Variants in FOXP4 observed in about 807,000 individuals in gnomAD.
FOXP4 encodes forkhead box protein P4.
Under a neutral mutation model 82.6 loss-of-function variants are expected in FOXP4, and 25 were observed. The ratio of observed to expected loss-of-function variants is 0.30; its 90% CI spans 0.22 to 0.42. FOXP4 has a LOEUF of 0.42. Ranked by LOEUF, FOXP4 falls within the 10% of genes least tolerant of loss-of-function variation. FOXP4 has a pLI of 1.00. For missense variants in FOXP4, 785 were observed against 900.9 expected (o/e 0.87, Z 1.65); for synonymous variants, 415 against 388.2 (o/e 1.07, Z -0.81).
intron 16 of FOXP4, among the ~76,000 whole-genome samples, chr6:41,598,216 CTT>C (rs571791132): frequency 6.1e-5 from 8 of 131,846 alleles, no homozygotes; most frequent in East Asian, 2.2e-4. Context: ...CCTCTCTTCT[CTT>C]TTTTTTTTTT....
intron 1 of FOXP4, among the ~76,000 whole-genome samples, chr6:41,547,310 C>T (rs1444249973): frequency 6.6e-6 from 1 of 152,168 alleles, no homozygotes; most frequent in African/African-American, 2.4e-5. Context: ...CCCTCCCCGC[C>T]CCGAGTCAGA....
rs535512060 is a variant in FOXP4 at position 41,566,701 on chromosome 6, A to G, written c.204+737A>G. ...GAAAAAGGGAGAGTCATGCTCAACAAGTTGAGGAGAACCTTCCCAGCCAAC... is the reference window on the plus strand; with the variant it reads ...GAAAAAGGGAGAGTCATGCTCAACAGGTTGAGGAGAACCTTCCCAGCCAAC... On this transcript the variant is annotated intron_variant, in intron 2 of 16. Transcript: ENST00000307972. Among the ~76,000 whole-genome samples the G allele has an allele frequency of 2.0e-5, 3 of 152,296 alleles. No homozygotes were observed. In the South Asian group the frequency reaches 6.2e-4, roughly 32 times the overall value.
rs1764374275 is a variant in FOXP4, at chr6:41,558,061, G to GAGAC, written c.-16-7683_-16-7680dup. 6.6e-6 allele frequency among the ~76,000 whole-genome samples: 1 copy of GAGAC among 152,006 alleles called. No homozygotes were observed. Among genetic ancestry groups the GAGAC allele is most frequent in the Non-Finnish European group, 1.5e-5 (1 of 68,018 alleles). On this transcript the variant is annotated intron_variant, in intron 1 of 16. Coordinates refer to ENST00000307972, the MANE Select transcript of FOXP4 (RefSeq NM_001012426.2). This position sits in a 1 kb window ranked among gnomAD's most constrained non-coding sequence, Gnocchi z 4.0. The stretch of plus-strand genomic sequence containing the variant: ...TTCTAGGATGTCACAGTCATTGAGG[G>GAGAC]AGACTCCCAGGCCAGGAACTCAGGC...
chr6:41,593,068 C>A lies in FOXP4; in HGVS notation c.1536+1746C>A, dbSNP rs1766608958. 6.6e-6 allele frequency among the ~76,000 whole-genome samples: 1 copy of A among 152,202 alleles called. No individual in the cohort carries two copies. Among genetic ancestry groups the A allele is most frequent in the Non-Finnish European group, 1.5e-5 (1 of 68,034 alleles). ...AGCCTTCCTCATGGCACAGCAGAAT[C>A]CATCCAGCTTGAGGTCCACTTTGAC... On this transcript the variant is annotated intron_variant, in intron 13 of 16. Coordinates refer to ENST00000307972, the MANE Select transcript of FOXP4 (RefSeq NM_001012426.2). This position sits in a 1 kb window ranked among gnomAD's most constrained non-coding sequence, Gnocchi z 4.1.
intron 1 of FOXP4, among the ~76,000 whole-genome samples, chr6:41,549,242 C>T (rs1281279675): frequency 1.3e-5 from 2 of 152,120 alleles, no homozygotes; most frequent in Non-Finnish European, 2.9e-5. Context: ...TCTCCCTGTC[C>T]TGGACAGGTT....
At chr6:41,584,912 GC>G (rs1766016467) in intron 4 of FOXP4, 21 bp downstream of exon 4, 12 of 1,598,620 alleles carry the variant, frequency 7.5e-6, no homozygotes, top group Non-Finnish European at 1.0e-5. Flanking sequence ...CCCCAGGGCA[GC>G]TGGTCCCTCC....
chr6:41,562,959 G>A (rs1409623367), intron 1 of FOXP4, among the ~76,000 whole-genome samples: 2 of 152,168 alleles, frequency 1.3e-5, no homozygotes, highest in Admixed American at 6.5e-5. Flanking sequence ...TCATTTCACC[G>A]CCACTAGCCC....
Position 41,587,650 on chromosome 6 carries a change from G to C in FOXP4, c.872+138G>C, listed in dbSNP as rs1429597936. The stretch of plus-strand genomic sequence containing the variant: ...TCACTCCCTCTCCACTCCCTCTCCC[G>C]GGGTGTACAGATGGTGCTTGGCCGC... On this transcript the variant is annotated intron_variant, in intron 7 of 16. Coordinates refer to ENST00000307972, the MANE Select transcript of FOXP4 (RefSeq NM_001012426.2). 3 of 899,284 alleles carry C rather than the reference G, an allele frequency of 3.3e-6. No individual in the cohort carries two copies. The Admixed American group carries it at 7.9e-5, about 24-fold the overall frequency. The allele number at this position is 899,284 out of a possible 1,614,324, so 55.7% of individuals were successfully genotyped here. A position where few individuals can be genotyped will look rare whatever the true frequency, so the allele number is the denominator to read the frequency against.
intron 1 of FOXP4, among the ~76,000 whole-genome samples, chr6:41,562,362 T>C (rs374470015): frequency 6.6e-6 from 1 of 152,136 alleles, no homozygotes; most frequent in African/African-American, 2.4e-5. Flanking sequence ...TTCAAATGCA[T>C]ATAATCTCAA....
chr6:41,552,142 G>A (rs948856154), intron 1 of FOXP4, among the ~76,000 whole-genome samples: 2 of 152,158 alleles, frequency 1.3e-5, no homozygotes, highest in South Asian at 2.1e-4. Context: ...TTCCATTCCC[G>A]GCTGGCTTTA....
At chr6:41,566,208 T>C (rs1267953561) in intron 2 of FOXP4, among the ~76,000 whole-genome samples, 2 of 152,112 alleles carry the variant, frequency 1.3e-5, no homozygotes, top group African/African-American at 4.8e-5. Context: ...TCATGAAGCT[T>C]GAAACTGTCC....
intron 16 of FOXP4, 78 bp from the exon 17 acceptor site, chr6:41,598,711 C>G: frequency 6.5e-7 from 1 of 1,543,842 alleles, no homozygotes; most frequent in Non-Finnish European, 8.7e-7. Context: ...CCCCAGAGTT[C>G]TGGGTGAGTT....
intron 2 of FOXP4, among the ~76,000 whole-genome samples, chr6:41,572,407 C>T (rs1378642051): frequency 2.0e-5 from 3 of 152,150 alleles, no homozygotes; most frequent in Non-Finnish European, 2.9e-5. Context: ...ACGTGAGCCC[C>T]GTTAAAGATG....
At position 41,587,826 on chromosome 6, in the gene FOXP4, C is replaced by T. The variant is rs770853452; in HGVS notation, c.906C>T (p.Pro302=). ...ACGAGGAGACCCCCGGCTCCCACCC[C>T]CTGTACGGACACGGAGAGTGCAAGT... The part of the protein sequence containing the change: ...SSHEETPGSH[P]LYGHGECKWP... The change falls in exon 8 of 17, where the codon CCC becomes CCT. Residue 302 remains proline (P), a synonymous_variant. Transcript: ENST00000307972. 3 of 1,570,904 alleles carry T rather than the reference C, an allele frequency of 1.9e-6. No homozygotes were observed. Among genetic ancestry groups the T allele is most frequent in the Admixed American group, 1.8e-5 (1 of 54,884 alleles).
At chr6:41,592,699 A>T (rs1207532815) in intron 13 of FOXP4, among the ~76,000 whole-genome samples, 1 of 151,102 alleles carries the variant, frequency 6.6e-6, no homozygotes, top group East Asian at 2.0e-4. Flanking sequence ...TAAGCCACCT[A>T]CCTTCCTTCC....
intron 2 of FOXP4, among the ~76,000 whole-genome samples, chr6:41,577,652 T>G (rs1765560775): frequency 2.0e-5 from 3 of 152,216 alleles, no homozygotes; most frequent in South Asian, 4.1e-4. Context: ...CAAATAGTAC[T>G]GATTTACTAA....
At position 41,574,730 on chromosome 6, in the gene FOXP4, G is replaced by A. The variant is rs527483749; in HGVS notation, c.205-3256G>A. Among the ~76,000 whole-genome samples the A allele has an allele frequency of 1.2e-4, 19 of 152,296 alleles. No individual in the cohort carries two copies. The Middle Eastern group carries it at 0.01, about 82-fold the overall frequency. On this transcript the variant is annotated intron_variant, in intron 2 of 16. Transcript: ENST00000307972. ...TGGGCAGTCCAGTGATCTCCAGGCC[G>A]CAGTGCCAGCAGGCAGTGTGAACAC...
intron 4 of FOXP4, 79 bp from the exon 5 acceptor site, chr6:41,585,352 C>T (rs988787076): frequency 7.0e-7 from 1 of 1,433,032 alleles, no homozygotes; most frequent in Non-Finnish European, 9.6e-7. Flanking sequence ...CTCCTGCCCC[C>T]AGGAGCCCAG....
At chr6:41,561,032 C>T (rs1275771678) in intron 1 of FOXP4, among the ~76,000 whole-genome samples, 1 of 152,222 alleles carries the variant, frequency 6.6e-6, no homozygotes, top group Non-Finnish European at 1.5e-5. Context: ...GGGCGTCCCT[C>T]GTTGCGCACT....
Sources: gnomAD v4.1 joint callset for allele counts (sites outside exome capture counted in the v4.1 genomes callset) on GRCh38, gnomAD v4.1.1 for gene constraint, Gnocchi (gnomAD v3.1) non-coding constraint, MANE v1.5 for transcripts, NCBI Gene and HGNC (gene_info 2026-07-23, HGNC 2026-07-21) for gene names.